Variants in SIL1 observed in about 807,000 individuals in gnomAD.
SIL1 encodes SIL1 nucleotide exchange factor, also known as nucleotide exchange factor SIL1.
In SIL1, 40 loss-of-function variants were observed where a neutral mutation model predicts 49.1. The ratio of observed to expected loss-of-function variants is 0.81; its 90% CI spans 0.63 to 1.06. SIL1 has a LOEUF of 1.06. SIL1 is among the 50% of genes least tolerant of loss of function. The pLI is 0.00. For synonymous variants in SIL1, 253 were observed against 250.8 expected (o/e 1.01, Z -0.08); for missense variants, 500 against 572.6 (o/e 0.87, Z 1.29).
chr5:139,105,454 A>G (rs1331941663), intron 3 of SIL1, among the ~76,000 whole-genome samples: 1 of 152,240 alleles, frequency 6.6e-6, no homozygotes, highest in Admixed American at 6.5e-5. Context: ...CTGCAATTGC[A>G]GAAATCTATC....
chr5:139,137,375 G>C (rs1171472084), intron 1 of SIL1: 1 of 557,088 alleles, frequency 1.8e-6, no homozygotes, highest in Non-Finnish European at 3.1e-6. Context: ...AGAATTCAAA[G>C]CCAGTTTGGC....
At chr5:139,135,326 C>T (rs1015710123) in intron 1 of SIL1, among the ~76,000 whole-genome samples, 1 of 152,112 alleles carries the variant, frequency 6.6e-6, no homozygotes, top group East Asian at 1.9e-4. Context: ...TCTCAACAAA[C>T]CCAAGGCACC....
intron 3 of SIL1, among the ~76,000 whole-genome samples, chr5:139,069,374 G>A (rs1769777960): frequency 6.6e-6 from 1 of 151,998 alleles, no homozygotes. Context: ...AACAGAAAAT[G>A]CCTTAAGATA....
chr5:139,191,930 CCAGGCGTGGTGG>C (rs1168010962), intron 1 of SIL1, among the ~76,000 whole-genome samples: 1 of 151,936 alleles, frequency 6.6e-6, no homozygotes, highest in Non-Finnish European at 1.5e-5. Context: ...CAAAAATTAG[CCAGGCGTGGTGG>C]CAGGCGCCTG....
chr5:139,111,197 G>A (rs1770830726), intron 3 of SIL1, among the ~76,000 whole-genome samples: 1 of 152,182 alleles, frequency 6.6e-6, no homozygotes, highest in South Asian at 2.1e-4. Flanking sequence ...GCTCAAAGCA[G>A]AAGACCACCC....
intron 1 of SIL1, among the ~76,000 whole-genome samples, chr5:139,148,997 A>C (rs74683539): frequency 0.029 from 4,412 of 152,216 alleles, 210 homozygotes; most frequent in African/African-American, 0.1. Flanking sequence ...TGGGTAGAAG[A>C]AGCTTGGTTA....
intron 7 of SIL1, among the ~76,000 whole-genome samples, chr5:139,002,203 C>A (rs1768001311): frequency 6.6e-6 from 1 of 150,772 alleles, no homozygotes; most frequent in Non-Finnish European, 1.5e-5. Flanking sequence ...AAAGTGAGAA[C>A]CTGTCTCAAA....
chr5:138,990,553 C>G (rs1011209176), intron 7 of SIL1, among the ~76,000 whole-genome samples: 2 of 152,114 alleles, frequency 1.3e-5, no homozygotes, highest in African/African-American at 4.8e-5. Context: ...CTCCCAGGTT[C>G]AAGGGATCCT....
At chr5:138,951,128 C>A (rs1240766780) in intron 9 of SIL1, 43 bp downstream of exon 9, 1 of 1,599,654 alleles carries the variant, frequency 6.3e-7, no homozygotes, top group Non-Finnish European at 8.5e-7. Context: ...CAGAAGCACA[C>A]ACAAAGCAAA....
At chr5:139,113,912 G>C (rs1466791931) in intron 3 of SIL1, among the ~76,000 whole-genome samples, 1 of 152,236 alleles carries the variant, frequency 6.6e-6, no homozygotes, top group Non-Finnish European at 1.5e-5. Flanking sequence ...CCCAACCTTT[G>C]AGAGTTGAGG....
chr5:139,079,718 T>A (rs953274123), intron 3 of SIL1, among the ~76,000 whole-genome samples: 5 of 152,206 alleles, frequency 3.3e-5, no homozygotes, highest in African/African-American at 1.2e-4. Context: ...GAATAATGTC[T>A]TATAAGACTA....
chr5:138,992,891 A>G (rs1322761683), intron 7 of SIL1, among the ~76,000 whole-genome samples: 1 of 152,178 alleles, frequency 6.6e-6, no homozygotes, highest in East Asian at 1.9e-4. Context: ...GAAAATAATA[A>G]TTAAAAAAAT....
chr5:139,103,446 T>A (rs967885639), intron 3 of SIL1, among the ~76,000 whole-genome samples: 1 of 152,198 alleles, frequency 6.6e-6, no homozygotes, highest in African/African-American at 2.4e-5. Flanking sequence ...ATTTGAATAA[T>A]AAAAGCCAGA....
chr5:139,109,762 G>A (rs1336798418), intron 3 of SIL1, among the ~76,000 whole-genome samples: 2 of 147,434 alleles, frequency 1.4e-5, no homozygotes, highest in Non-Finnish European at 3.0e-5. Flanking sequence ...GAATTCCTGG[G>A]TCCTATTTCC....
chr5:139,025,514 ATATTAGT>A lies in SIL1; in HGVS notation c.645+1280_645+1286del, dbSNP rs150076936. Among the ~76,000 whole-genome samples the A allele has an allele frequency of 1.4e-4, 21 of 152,288 alleles. No homozygotes were observed. In the East Asian group the frequency reaches 3.5e-3, roughly 25 times the overall value. ...CCTGGTATATGACAACACTCAACAA[ATATTAGT>A]TATTATAAGTCTGATCAGTTACTTC... is the stretch of plus-strand genomic sequence containing the variant. On this transcript the variant is annotated intron_variant, in intron 6 of 9. Transcript: ENST00000394817.
At chr5:138,971,806 A>G (rs1444237306) in intron 7 of SIL1, among the ~76,000 whole-genome samples, 1 of 152,196 alleles carries the variant, frequency 6.6e-6, no homozygotes, top group East Asian at 1.9e-4. Context: ...CCTAGCACAA[A>G]GGGCTCACAG....
At chr5:139,171,605 T>G (rs961071591) in intron 1 of SIL1, among the ~76,000 whole-genome samples, 109 of 151,924 alleles carry the variant, frequency 7.2e-4, no homozygotes, top group Non-Finnish European at 1.1e-3. Flanking sequence ...CCAGAGACCT[T>G]TGTTCACTTG....
chr5:139,155,477 G>GAGAGAGAGAGAGAGAGAGAGAGAGA (rs765537884), intron 1 of SIL1: 26 of 151,666 alleles, frequency 1.7e-4, no homozygotes, highest in Admixed American at 8.5e-4. Flanking sequence ...GAGAGAGAGA[G>GAGAGAGAGAGAGAGAGAGAGAGAGA]AACGAGCTCT....
At position 139,026,800 on chromosome 5, in the gene SIL1, C is replaced by T. The variant is rs794726659; in HGVS notation, c.645+1G>A. On this transcript the variant is annotated splice_donor_variant, in intron 6 of 9. Transcript: ENST00000394817. LOFTEE classifies it high-confidence loss of function. The stretch of plus-strand genomic sequence containing the variant: ...GACTTATGGACGAAGAAATACAGTA[C>T]CTGATGGACATAATATTCAAGATCA... 6.2e-7 allele frequency: 1 copy of T among 1,613,884 alleles called. No homozygotes were observed. Among genetic ancestry groups the T allele is most frequent in the Admixed American group, 1.7e-5 (1 of 60,008 alleles).
Sources: gnomAD v4.1 joint callset for allele counts (sites outside exome capture counted in the v4.1 genomes callset) on GRCh38, gnomAD v4.1.1 for gene constraint, MANE v1.5 for transcripts, NCBI Gene and HGNC (gene_info 2026-07-23, HGNC 2026-07-21) for gene names.